C9orf50: variants seen among roughly 807,000 people sequenced by gnomAD.
The protein encoded by C9orf50 is chromosome 9 open reading frame 50, also known as uncharacterized protein C9orf50.
Under a neutral mutation model 42.5 loss-of-function variants are expected in C9orf50, and 33 were observed. That is an observed-to-expected ratio of 0.78 (90% CI 0.59 to 1.04). The LOEUF is 1.04. C9orf50 is among the 50% of genes least tolerant of loss of function. The pLI, the probability that C9orf50 is intolerant of heterozygous loss-of-function variation, is 0.00. For missense variants in C9orf50, 547 were observed against 594.3 expected (o/e 0.92, Z 0.83); for synonymous variants, 257 against 273.4 (o/e 0.94, Z 0.59).
chr9:129,615,412 G>A lies in C9orf50; in HGVS notation c.880+72C>T, dbSNP rs1302733726. On this transcript the variant is annotated intron_variant, in intron 4 of 6. Coordinates refer to ENST00000372478, the Ensembl canonical transcript of C9orf50. ...AGCCAGTCCCTCACTCTAGGGGCCC[G>A]GAGCTACAGCCTCTCTGCCCTCCTG... 9.0e-6 allele frequency: 13 copies of A among 1,452,338 alleles called. No individual in the cohort carries two copies. In the East Asian group the frequency reaches 1.0e-4, roughly 11 times the overall value. 90.0% of individuals were successfully genotyped at this position (1,452,338 alleles called of 1,614,324 possible). A position where few individuals can be genotyped will look rare whatever the true frequency, so the allele number is the denominator to read the frequency against.
At position 129,613,376 on chromosome 9, in the gene C9orf50, AG is replaced by A. The variant is rs1316044331; in HGVS notation, c.1043+58del. On this transcript the variant is annotated intron_variant, in intron 5 of 6. Coordinates refer to ENST00000372478, the Ensembl canonical transcript of C9orf50. This position sits in a 1 kb window ranked among gnomAD's most constrained non-coding sequence, Gnocchi z 6.2. ...TGCTGGGTGGGGAGGTCTGTAGGCA[AG>A]GGGGGTGGAGGGCCCTGGCAATGTC... 2.2e-5 allele frequency: 35 copies of A among 1,595,134 alleles called. No homozygotes were observed. The highest frequency in any genetic ancestry group is 2.7e-5 in the African/African-American group (2 of 74,398).
rs1588108746 is a variant in C9orf50, at chr9:129,613,083, C to G, written c.1188+24G>C. ...AGCAGGGGCTCACCAGCTTCTAGGT[C>G]CAGGAGCAAGACCATTTGCCCACCT... On this transcript the variant is annotated intron_variant, in intron 6 of 6. Transcript: ENST00000372478. This position sits in a 1 kb window ranked among gnomAD's most constrained non-coding sequence, Gnocchi z 6.2. 1 of 1,613,250 alleles carries G rather than the reference C, an allele frequency of 6.2e-7. No homozygotes were observed. The highest frequency in any genetic ancestry group is 2.2e-5 in the East Asian group (1 of 44,872).
In C9orf50 at chr9:129,613,479, C is replaced by T. The variant is rs1830189829; in HGVS notation, c.999G>A (p.Lys333=). 1 of 1,614,050 alleles carries T rather than the reference C, an allele frequency of 6.2e-7. No homozygotes were observed. Among genetic ancestry groups the T allele is most frequent in the African/African-American group, 1.3e-5 (1 of 74,948 alleles). ...ACGAGGAGCTGGCCAGGGTCTCCTC[C>T]TTGGCCCCAGGGTACAGGGCTTTGG... Residue 333 remains lysine, a synonymous_variant, in exon 5 of 7, where the codon AAG becomes AAA. Transcript: ENST00000372478. This position sits in a 1 kb window ranked among gnomAD's most constrained non-coding sequence, Gnocchi z 6.2.
At chr9:129,619,792 G>T in exon 2 of C9orf50, 1 of 1,614,132 alleles carries the variant, frequency 6.2e-7, no homozygotes, top group Non-Finnish European at 8.5e-7. Flanking sequence ...CCTGGGCAGT[G>T]CTCTAATACA....
In C9orf50 at chr9:129,619,503, T is replaced by C. The variant is rs776257009; in HGVS notation, c.716+17A>G. On this transcript the variant is annotated intron_variant, in intron 3 of 6. Coordinates refer to ENST00000372478, the Ensembl canonical transcript of C9orf50. ...CCTTTCCTCCACTACCCTACCCTTATCCCGCCCATCACTCACTGGTTGGCC... is the reference window on the plus strand; with the variant it reads ...CCTTTCCTCCACTACCCTACCCTTACCCCGCCCATCACTCACTGGTTGGCC... The C allele has an allele frequency of 1.3e-6, 2 of 1,581,320 alleles. No individual in the cohort carries two copies. The highest frequency in any genetic ancestry group is 1.7e-6 in the Non-Finnish European group (2 of 1,151,950).
chr9:129,612,958 G>T (rs1169208025), intron 6 of C9orf50, 149 bp downstream of exon 6: 2 of 944,594 alleles, frequency 2.1e-6, no homozygotes, highest in East Asian at 5.3e-5. Flanking sequence ...AACACAGGGC[G>T]TGGCCACTGC....
chr9:129,616,749 T>C (rs1409368278), intron 3 of C9orf50, among the ~76,000 whole-genome samples: 4 of 152,204 alleles, frequency 2.6e-5, no homozygotes, highest in African/African-American at 9.6e-5. Flanking sequence ...GTTATATGTA[T>C]ATTTCATAGA....
At position 129,613,189 on chromosome 9, in the gene C9orf50, A is replaced by C. The variant is rs759160294; in HGVS notation, c.1106T>G (p.Phe369Cys). ...AGCAGCGGCCTTCTTCCATGAACAG[A>C]AGGGCAGGCTGCTGTTCATGGAGGT... Residue 369 changes from phenylalanine (F) to cysteine (C), a missense_variant, in exon 6 of 7, where the codon TTC becomes TGC. By Grantham distance (205) the Phe-to-Cys change is radical (BLOSUM62 -2). Around this residue, in one of 3 missense-constraint regions of C9orf50, gnomAD observed 334 missense variants for 323.7 expected, o/e 1.03. Coordinates refer to ENST00000372478, the Ensembl canonical transcript of C9orf50. The surrounding 1 kb of genome is among the most constrained non-coding windows in gnomAD (Gnocchi z 6.2). 6.2e-7 allele frequency: 1 copy of C among 1,613,598 alleles called. No homozygotes were observed. The highest frequency in any genetic ancestry group is 1.1e-5 in the South Asian group (1 of 91,076).
chr9:129,615,561 C>T (rs746264906), exon 4 of C9orf50: 45 of 1,609,840 alleles, frequency 2.8e-5, no homozygotes, highest in Non-Finnish European at 3.5e-5. Flanking sequence ...GAAAGGGCAA[C>T]GCTGCCTGCA....
Position 129,620,599 on chromosome 9 carries a change from G to T in C9orf50, c.-25C>A. 1 of 1,314,712 alleles carries T rather than the reference G, an allele frequency of 7.6e-7. No individual in the cohort carries two copies. The allele number at this position is 1,314,712 out of a possible 1,614,324, so 81.4% of individuals were successfully genotyped here. Reference sequence around the variant, plus strand: ...TGCTTGGCCCCGCACTCAGCTCACCGCACCCTCAGCGCGCGTGGGTGGGGG... The same window carrying T: ...TGCTTGGCCCCGCACTCAGCTCACCTCACCCTCAGCGCGCGTGGGTGGGGG... On this transcript the variant is annotated 5_prime_UTR_variant, in exon 1 of 7. Transcript: ENST00000372478. The surrounding 1 kb of genome is among the most constrained non-coding windows in gnomAD (Gnocchi z 5.8).
At chr9:129,621,107 A>G (rs1830688032), upstream of C9orf50, among the ~76,000 whole-genome samples, 1 of 152,240 alleles carries the variant, frequency 6.6e-6, no homozygotes, top group African/African-American at 2.4e-5. Context: ...TAGAGAGAGC[A>G]CTTAGCCTGC....
At chr9:129,615,279 C>T (rs1460957986) in intron 4 of C9orf50, among the ~76,000 whole-genome samples, 1 of 152,210 alleles carries the variant, frequency 6.6e-6, no homozygotes, top group Non-Finnish European at 1.5e-5. Flanking sequence ...AACACCTCCA[C>T]TGGACTCTGG....
At chr9:129,616,794 C>T (rs1479323980) in intron 3 of C9orf50, among the ~76,000 whole-genome samples, 1 of 152,130 alleles carries the variant, frequency 6.6e-6, no homozygotes, top group East Asian at 1.9e-4. Flanking sequence ...TAATTTCAGC[C>T]TCAACCCGGT....
chr9:129,615,195 G>A (rs1001261290), intron 4 of C9orf50, among the ~76,000 whole-genome samples: 13 of 152,196 alleles, frequency 8.5e-5, no homozygotes, highest in African/African-American at 3.1e-4. Flanking sequence ...CTCCGGCTAC[G>A]GGTCTCAAGG....
chr9:129,620,866 G>C (rs773377935), upstream of C9orf50: 4 of 336,122 alleles, frequency 1.2e-5, no homozygotes, highest in Non-Finnish European at 2.1e-5. The surrounding 1 kb of genome is among the most constrained non-coding windows in gnomAD (Gnocchi z 5.8). Context: ...GCTCGGTACA[G>C]TGCCAGGCAC....
chr9:129,613,134 G>A lies in C9orf50; in HGVS notation c.1161C>T (p.Phe387=), dbSNP rs1016248225. ...GCTCCAGGTTTCTGTGCGGGTCCAA[G>A]AAGGCTCGGAGGCTGCTTCGCGGCC... Residue 387 remains phenylalanine (F), a synonymous_variant, in exon 6 of 7, where the codon TTC becomes TTT. Coordinates refer to ENST00000372478, the Ensembl canonical transcript of C9orf50. The surrounding 1 kb of genome is among the most constrained non-coding windows in gnomAD (Gnocchi z 6.2). The A allele has an allele frequency of 1.2e-6, 2 of 1,613,948 alleles. No individual in the cohort carries two copies. The highest frequency in any genetic ancestry group is 1.7e-5 in the Admixed American group (1 of 60,022).
chr9:129,619,431 G>T, intron 3 of C9orf50, 89 bp downstream of exon 3: 2 of 920,260 alleles, frequency 2.2e-6, no homozygotes, highest in Non-Finnish European at 3.4e-6. Flanking sequence ...GTGGATAAAT[G>T]AATACATTCA....
chr9:129,612,371 T>A (rs754962322), exon 7 of C9orf50: 28 of 1,613,840 alleles, frequency 1.7e-5, no homozygotes, highest in Middle Eastern at 1.7e-4. Flanking sequence ...GCTGCAGTGT[T>A]GCGGAGGCCA....
At chr9:129,612,428 C>T (rs763252600) in exon 7 of C9orf50, 14 of 1,612,496 alleles carry the variant, frequency 8.7e-6, no homozygotes, top group Non-Finnish European at 1.2e-5. Flanking sequence ...GGACCGACTG[C>T]AGCACCCGGT....
Sources: gnomAD v4.1 joint callset for allele counts (sites outside exome capture counted in the v4.1 genomes callset) on GRCh38, gnomAD v4.1.1 for gene constraint, gnomAD v4.1.1 regional missense constraint, Gnocchi (gnomAD v3.1) non-coding constraint, MANE v1.5 for transcripts, NCBI Gene and HGNC (gene_info 2026-07-23, HGNC 2026-07-21) for gene names.